INVS: variants seen among roughly 807,000 people sequenced by gnomAD.
INVS encodes the protein inversin, also known as inversion of embryo turning homolog.
INVS carries 86 observed loss-of-function variants against 108.8 expected under a neutral mutation model. That is an observed-to-expected ratio of 0.79 (90% CI 0.66 to 0.95). The LOEUF is 0.95. INVS is among the 40% of genes least tolerant of loss of function. The pLI is 0.00. For missense variants in INVS, 1,169 were observed against 1,297.4 expected (o/e 0.90, Z 1.52); for synonymous variants, 455 against 473.5 (o/e 0.96, Z 0.51).
At chr9:100,231,324 A>G (rs1175024830) in intron 5 of INVS, among the ~76,000 whole-genome samples, 1 of 151,952 alleles carries the variant, frequency 6.6e-6, no homozygotes, top group African/African-American at 2.4e-5. Flanking sequence ...TTCCTTCTAA[A>G]GTTATTATTT....
chr9:100,246,310 G>A (rs1333470141), intron 7 of INVS, among the ~76,000 whole-genome samples: 2 of 152,102 alleles, frequency 1.3e-5, no homozygotes, highest in East Asian at 1.9e-4. Flanking sequence ...TCACTCAAAC[G>A]ATGACCTATA....
At chr9:100,224,367 G>A (rs1211900583) in intron 3 of INVS, among the ~76,000 whole-genome samples, 9 of 152,184 alleles carry the variant, frequency 5.9e-5, no homozygotes, top group Non-Finnish European at 1.2e-4. Flanking sequence ...GAGATAAATA[G>A]GCACGAAGTA....
intron 3 of INVS, among the ~76,000 whole-genome samples, chr9:100,190,684 A>G (rs1830193633): frequency 1.3e-5 from 2 of 152,166 alleles, no homozygotes; most frequent in African/African-American, 4.8e-5. Context: ...GAGGCTAAAG[A>G]TAGGACCCTA....
intron 3 of INVS, among the ~76,000 whole-genome samples, chr9:100,127,017 G>A (rs1473711584): frequency 2.6e-5 from 4 of 151,962 alleles, no homozygotes; most frequent in Non-Finnish European, 5.9e-5. Context: ...GCAACATAGT[G>A]AGACCCCATC....
intron 3 of INVS, among the ~76,000 whole-genome samples, chr9:100,179,801 C>T (rs1829825358): frequency 1.3e-5 from 2 of 152,188 alleles, no homozygotes; most frequent in South Asian, 4.1e-4. Context: ...ACCTAATAAA[C>T]ATCTACAGAA....
chr9:100,217,066 T>G (rs566657596), intron 3 of INVS, among the ~76,000 whole-genome samples: 31 of 152,236 alleles, frequency 2.0e-4, no homozygotes, highest in African/African-American at 7.5e-4. Flanking sequence ...CCCAGAACGT[T>G]GAGAGGCCGA....
At chr9:100,149,693 T>G (rs1457620299) in intron 3 of INVS, among the ~76,000 whole-genome samples, 2 of 152,216 alleles carry the variant, frequency 1.3e-5, no homozygotes, top group Non-Finnish European at 2.9e-5. Flanking sequence ...GTTTATGTAC[T>G]TCTATTTACA....
intron 2 of INVS, among the ~76,000 whole-genome samples, chr9:100,116,185 C>A (rs1422255465): frequency 6.6e-6 from 1 of 151,428 alleles, no homozygotes; most frequent in Admixed American, 6.6e-5. Flanking sequence ...CTCCCTGCAA[C>A]CTCCGCCTCC....
chr9:100,273,542 T>G (rs955728586), intron 12 of INVS, among the ~76,000 whole-genome samples: 1 of 62,344 alleles, frequency 1.6e-5, no homozygotes, highest in Non-Finnish European at 4.6e-5. Flanking sequence ...TTTTTTTTTT[T>G]TTTTTTTTTT....
chr9:100,124,364 C>T (rs980733729), intron 2 of INVS, among the ~76,000 whole-genome samples: 2 of 151,968 alleles, frequency 1.3e-5, no homozygotes, highest in Non-Finnish European at 2.9e-5. Context: ...TCTACATAAA[C>T]TGAGAACCAC....
intron 8 of INVS, among the ~76,000 whole-genome samples, chr9:100,247,559 A>G (rs1216528334): frequency 6.6e-6 from 1 of 152,166 alleles, no homozygotes; most frequent in Non-Finnish European, 1.5e-5. Flanking sequence ...TTTTATTTGT[A>G]GAAACATGCT....
At chr9:100,153,627 A>G (rs1444482326) in intron 3 of INVS, among the ~76,000 whole-genome samples, 1 of 152,186 alleles carries the variant, frequency 6.6e-6, no homozygotes, top group Non-Finnish European at 1.5e-5. Flanking sequence ...TTGTGTTGCA[A>G]TAACAGAATA....
In INVS at chr9:100,242,302, A is replaced by G. The variant is rs868651691; in HGVS notation, c.797-268A>G. Reference sequence around the variant, plus strand: ...CAGGAAATGCAATGAGGTGATACCTAATATAGTTTTTTCTCAGCCTGGCAA... The same window carrying G: ...CAGGAAATGCAATGAGGTGATACCTGATATAGTTTTTTCTCAGCCTGGCAA... On this transcript the variant is annotated intron_variant, in intron 6 of 16. Coordinates refer to ENST00000262457, the MANE Select transcript of INVS (RefSeq NM_014425.5). Among the ~76,000 whole-genome samples, 22 of 152,258 alleles carry G rather than the reference A, an allele frequency of 1.4e-4. No homozygotes were observed. In the Middle Eastern group the frequency reaches 0.01, roughly 71 times the overall value.
At chr9:100,264,710 AAAT>A in intron 10 of INVS, 109 bp from the exon 11 acceptor site, 1 of 763,786 alleles carries the variant, frequency 1.3e-6, no homozygotes, top group Admixed American at 2.1e-5. Flanking sequence ...CCCTTTTTGT[AAAT>A]AAGCAATTTG....
rs147744972 is a variant in INVS at position 100,133,764 on chromosome 9, T to TACACACACACACACACACACACAC, written c.273+7233_273+7256dup. On this transcript the variant is annotated intron_variant, in intron 3 of 16. Coordinates refer to ENST00000262457, the MANE Select transcript of INVS (RefSeq NM_014425.5). ...ACTATCTGACTATATCTGCCAAAGC[T>TACACACACACACACACACACACAC]ACACACACACACACACACACACACA... Among the ~76,000 whole-genome samples, 882 of 123,860 alleles carry TACACACACACACACACACACACAC rather than the reference T, an allele frequency of 7.1e-3. 22 individuals carry two copies. Among genetic ancestry groups the TACACACACACACACACACACACAC allele is most frequent in the South Asian group, 8.9e-3 (25 of 2,824 alleles). 81.3% of individuals were successfully genotyped at this position (123,860 alleles called of 152,430 possible).
chr9:100,126,681 A>G (rs1827894695), intron 3 of INVS, 132 bp downstream of exon 3: 2 of 891,750 alleles, frequency 2.2e-6, no homozygotes, highest in African/African-American at 1.6e-5. Context: ...TATTTTCTCT[A>G]AAAGCTGTCT....
chr9:100,232,818 G>C (rs1343516921), intron 5 of INVS, among the ~76,000 whole-genome samples: 3 of 152,210 alleles, frequency 2.0e-5, no homozygotes, highest in Admixed American at 1.3e-4. Context: ...TTTTGCTTAG[G>C]ATTGTCTTGG....
intron 3 of INVS, among the ~76,000 whole-genome samples, chr9:100,211,048 C>G (rs1830816219): frequency 6.6e-6 from 1 of 151,996 alleles, no homozygotes; most frequent in Admixed American, 6.6e-5. Flanking sequence ...GGCCCCTACA[C>G]CAGTGAATGA....
chr9:100,259,142 C>T (rs1181553802), intron 10 of INVS, among the ~76,000 whole-genome samples: 1 of 152,186 alleles, frequency 6.6e-6, no homozygotes, highest in Non-Finnish European at 1.5e-5. Context: ...CCCCCAGCCT[C>T]GCTGCTGCCT....
Sources: allele counts gnomAD v4.1 joint callset (sites outside exome capture counted in the v4.1 genomes callset), GRCh38; gene constraint gnomAD v4.1.1; transcripts MANE v1.5; gene names NCBI Gene and HGNC (gene_info 2026-07-23, HGNC 2026-07-21).